The following CHRM3 variants were observed in gnomAD, a reference collection of about 807,000 sequenced individuals.
CHRM3 encodes the protein muscarinic acetylcholine receptor M3.
A neutral mutation model predicts 41.8 loss-of-function variants in CHRM3; 11 were observed. The observed-to-expected ratio is 0.26, with a 90% CI of 0.17 to 0.44. The LOEUF (loss-of-function observed/expected upper bound fraction) is 0.44, where lower values mean the gene tolerates loss of function less well. Among genes scored for constraint, CHRM3 ranks in the 20% least tolerant of loss-of-function variants. The pLI is 1.00. For synonymous variants in CHRM3, 297 were observed against 301.4 expected, an observed-to-expected ratio of 0.99 and a Z score of 0.15; for missense variants, 571 against 745.4, an observed-to-expected ratio of 0.77 and a Z score of 2.72.
At chr1:239,416,568 C>G (rs956223154) in intron 1 of CHRM3, among the ~76,000 whole-genome samples, 16 of 151,924 alleles carry the variant, frequency 1.1e-4, no homozygotes, top group African/African-American at 3.9e-4. Context: ...CTTTTTGCTG[C>G]CAATTAATAT....
chr1:239,906,016 G>T (rs895188014), intron 6 of CHRM3, among the ~76,000 whole-genome samples: 2 of 152,148 alleles, frequency 1.3e-5, no homozygotes, highest in Non-Finnish European at 2.9e-5. Context: ...AATTGATTCT[G>T]TTATACAGAA....
chr1:239,776,758 C>A (rs1407912753), intron 5 of CHRM3, among the ~76,000 whole-genome samples: 1 of 152,138 alleles, frequency 6.6e-6, no homozygotes, highest in African/African-American at 2.4e-5. Flanking sequence ...CACAGTTCCA[C>A]AGGGCTGGGG....
chr1:239,633,713 A>ACCCCCCCCCCC (rs1290510189), intron 4 of CHRM3, among the ~76,000 whole-genome samples: 1 of 151,168 alleles, frequency 6.6e-6, no homozygotes, highest in Non-Finnish European at 1.5e-5. Context: ...AGGAAGTCAC[A>ACCCCCCCCCCC]CCCCTCCCCC....
At position 239,537,627 on chromosome 1, in the gene CHRM3, G is replaced by T. The variant is rs969164038; in HGVS notation, c.-421-8014G>T. On this transcript the variant is annotated intron_variant, in intron 2 of 6. Transcript: ENST00000676153. ...TAAGGTTCAGAATTGAATTCCGTTTGTTCCCTAAATACTTATTTGATTGCT... is the reference window on the plus strand; with the variant it reads ...TAAGGTTCAGAATTGAATTCCGTTTTTTCCCTAAATACTTATTTGATTGCT... 3.3e-5 allele frequency among the ~76,000 whole-genome samples: 5 copies of T among 152,076 alleles called. No individual in the cohort carries two copies. The East Asian group carries it at 9.6e-4, about 29-fold the overall frequency.
intron 5 of CHRM3, among the ~76,000 whole-genome samples, chr1:239,786,767 C>A (rs1440278102): frequency 3.3e-5 from 5 of 152,114 alleles, no homozygotes. Context: ...GAGATGACGC[C>A]GTAGTGTCAC....
At chr1:239,430,675 AT>A (rs1662764308) in intron 1 of CHRM3, among the ~76,000 whole-genome samples, 1 of 35,224 alleles carries the variant, frequency 2.8e-5, no homozygotes, top group African/African-American at 8.0e-5. Flanking sequence ...CACATACTAG[AT>A]ATATATATAT....
intron 3 of CHRM3, among the ~76,000 whole-genome samples, chr1:239,618,116 C>T (rs964330996): frequency 6.6e-6 from 1 of 151,778 alleles, no homozygotes; most frequent in African/African-American, 2.4e-5. Flanking sequence ...GTTAAAAACT[C>T]CCCAGGTGTG....
chr1:239,650,930 T>TA (rs539715603), intron 4 of CHRM3, among the ~76,000 whole-genome samples: 5 of 152,216 alleles, frequency 3.3e-5, no homozygotes, highest in African/African-American at 9.6e-5. Context: ...AATTTATGCA[T>TA]AAAATATGTG....
intron 6 of CHRM3, among the ~76,000 whole-genome samples, chr1:239,846,988 A>T (rs1029564856): frequency 6.6e-6 from 1 of 152,160 alleles, no homozygotes; most frequent in Non-Finnish European, 1.5e-5. Context: ...CTTACACGTA[A>T]AAAGGTTTAG....
chr1:239,550,987 C>T (rs1001881701), intron 3 of CHRM3, among the ~76,000 whole-genome samples: 2 of 151,558 alleles, frequency 1.3e-5, no homozygotes, highest in African/African-American at 2.4e-5. Context: ...GGCTTGAATT[C>T]ATCACTGTTT....
chr1:239,853,460 A>G (rs1674861231), intron 6 of CHRM3, among the ~76,000 whole-genome samples: 1 of 151,978 alleles, frequency 6.6e-6, no homozygotes, highest in African/African-American at 2.4e-5. Flanking sequence ...AGCCAAGCAT[A>G]GTACCAGTTT....
chr1:239,855,732 A>G (rs56134639), intron 6 of CHRM3, among the ~76,000 whole-genome samples: 10,091 of 152,200 alleles, frequency 0.066, 997 homozygotes, highest in African/African-American at 0.21. Flanking sequence ...TTTCATACAT[A>G]ATGAAAAGTT....
intron 1 of CHRM3, among the ~76,000 whole-genome samples, chr1:239,484,085 G>A (rs192794071): frequency 1.2e-3 from 177 of 152,054 alleles, no homozygotes; most frequent in South Asian, 2.3e-3. Flanking sequence ...GTTTCTGGAT[G>A]TATTCGTTCT....
intron 3 of CHRM3, among the ~76,000 whole-genome samples, chr1:239,585,353 G>A (rs1663301903): frequency 1.3e-5 from 2 of 152,062 alleles, no homozygotes; most frequent in Non-Finnish European, 2.9e-5. Context: ...GTTGAGATAT[G>A]TTTAAGCTGA....
chr1:239,636,615 C>T (rs2148895474), intron 4 of CHRM3, among the ~76,000 whole-genome samples: 1 of 152,244 alleles, frequency 6.6e-6, no homozygotes, highest in African/African-American at 2.4e-5. Flanking sequence ...ATTTCTGTCA[C>T]ATTGACAGCA....
chr1:239,669,492 T>A (rs2149050694), intron 4 of CHRM3, among the ~76,000 whole-genome samples: 1 of 152,334 alleles, frequency 6.6e-6, no homozygotes, highest in Admixed American at 6.5e-5. Flanking sequence ...CTAAATATCA[T>A]TATTGTTTAA....
At chr1:239,417,429 G>A (rs1326078585) in intron 1 of CHRM3, among the ~76,000 whole-genome samples, 1 of 152,142 alleles carries the variant, frequency 6.6e-6, no homozygotes, top group Non-Finnish European at 1.5e-5. Context: ...TTTAGTTTCA[G>A]TAGATTGTCA....
rs1338095651 is a variant in CHRM3 at position 239,871,124 on chromosome 1, C to T, written c.-19-36309C>T. ...CGTTCAAGAAAAGTAGACAGTTGGG[C>T]TCATACTAGAATGTATTTAAATATA... On this transcript the variant is annotated intron_variant, in intron 6 of 6. Transcript: ENST00000676153. Among the ~76,000 whole-genome samples, 3 of 152,182 alleles carry T rather than the reference C, an allele frequency of 2.0e-5. No individual in the cohort carries two copies. The East Asian group carries it at 5.8e-4, about 29-fold the overall frequency.
chr1:239,431,721 T>C (rs1035365677), intron 1 of CHRM3, among the ~76,000 whole-genome samples: 3 of 152,220 alleles, frequency 2.0e-5, no homozygotes, highest in Non-Finnish European at 4.4e-5. Context: ...AAACAGTGCT[T>C]GGTTCCCTTT....
Sources: gnomAD v4.1 joint callset for allele counts (sites outside exome capture counted in the v4.1 genomes callset) on GRCh38, gnomAD v4.1.1 for gene constraint, MANE v1.5 for transcripts, NCBI Gene and HGNC (gene_info 2026-07-23, HGNC 2026-07-21) for gene names.